The following STRBP variants were observed in gnomAD, a reference collection of about 807,000 sequenced individuals.
STRBP encodes spermatid perinuclear RNA binding protein.
In STRBP, 13 loss-of-function variants were observed where a neutral mutation model predicts 80.1. The ratio of observed to expected loss-of-function variants is 0.16; its 90% confidence interval spans 0.11 to 0.26. The LOEUF (loss-of-function observed/expected upper bound fraction) is 0.26. STRBP is among the 10% of genes least tolerant of loss of function. The pLI, the probability that STRBP is intolerant of heterozygous loss-of-function variation, is 1.00. For synonymous variants in STRBP, 284 were observed against 291.2 expected, an observed-to-expected ratio of 0.98 and a Z score of 0.25; for missense variants, 485 against 815.2, an observed-to-expected ratio of 0.59 and a Z score of 4.93.
intron 11 of STRBP, among the ~76,000 whole-genome samples, chr9:123,154,471 C>T (rs538051670): frequency 6.6e-6 from 1 of 152,226 alleles, no homozygotes; most frequent in South Asian, 2.1e-4. Flanking sequence ...TTTCTTGGTA[C>T]AGGAAGGTAA....
intron 2 of STRBP, among the ~76,000 whole-genome samples, chr9:123,202,010 T>TACTGTTTGCCTTCA (rs2039344238): frequency 6.6e-6 from 1 of 152,260 alleles, no homozygotes; most frequent in African/African-American, 2.4e-5. Context: ...TATTTGCCTT[T>TACTGTTTGCCTTCA]ACTGTTGTTG....
At chr9:123,157,678 C>T (rs1182865721) in intron 11 of STRBP, among the ~76,000 whole-genome samples, 1 of 152,072 alleles carries the variant, frequency 6.6e-6, no homozygotes, top group African/African-American at 2.4e-5. Context: ...CACATGGTGG[C>T]AGACGTGCAG....
intron 2 of STRBP, among the ~76,000 whole-genome samples, chr9:123,203,678 A>T (rs2132515075): frequency 6.6e-6 from 1 of 152,140 alleles, no homozygotes; most frequent in African/African-American, 2.4e-5. Context: ...CCCTATGTAA[A>T]ATAGCGACCT....
At chr9:123,244,364 T>C (rs2040758170) in intron 1 of STRBP, among the ~76,000 whole-genome samples, 1 of 152,184 alleles carries the variant, frequency 6.6e-6, no homozygotes, top group African/African-American at 2.4e-5. Context: ...TTCTGTATGA[T>C]ACTGTAACAG....
chr9:123,120,616 T>A (rs1432251907), downstream of STRBP, among the ~76,000 whole-genome samples: 1 of 151,994 alleles, frequency 6.6e-6, no homozygotes, highest in African/African-American at 2.4e-5. Flanking sequence ...TTATGGTGAA[T>A]GACTGATTAT....
intron 13 of STRBP, 59 bp downstream of exon 13, chr9:123,146,796 A>C: frequency 1.5e-6 from 2 of 1,374,196 alleles, no homozygotes; most frequent in South Asian, 3.0e-5. Context: ...ATAGGAAAAT[A>C]AGCATATTAT....
At chr9:123,129,663 TTG>T (rs1177062740) in intron 17 of STRBP, among the ~76,000 whole-genome samples, 5 of 152,196 alleles carry the variant, frequency 3.3e-5, no homozygotes, top group African/African-American at 1.2e-4. Flanking sequence ...TCATATTGCA[TTG>T]TGTTTATTCA....
intron 2 of STRBP, among the ~76,000 whole-genome samples, chr9:123,228,473 CA>C (rs2040307558): frequency 6.6e-6 from 1 of 151,986 alleles, no homozygotes; most frequent in South Asian, 2.1e-4. Flanking sequence ...GGTTGGGGGA[CA>C]GGGGGAGCTG....
chr9:123,125,523 A>AT lies in STRBP; in HGVS notation c.*73dup. The stretch of plus-strand genomic sequence containing the variant: ...CAAGTATGTGTTCAAAGAAAGCAGG[A>AT]TAAAAAGGCTTTTTCTCTAACATTC... On this transcript the variant is annotated 3_prime_UTR_variant, in exon 19 of 19. Coordinates refer to ENST00000348403, the MANE Select transcript of STRBP (RefSeq NM_018387.5). The AT allele has an allele frequency of 7.0e-7, 1 of 1,419,156 alleles. No homozygotes were observed. The highest frequency in any genetic ancestry group is 2.6e-5 in the East Asian group (1 of 39,020). 87.9% of individuals were successfully genotyped at this position (1,419,156 alleles called of 1,614,324 possible). A position where few individuals can be genotyped will look rare whatever the true frequency, so the allele number is the denominator to read the frequency against.
chr9:123,187,062 T>C (rs2038727892), intron 2 of STRBP, among the ~76,000 whole-genome samples: 1 of 152,048 alleles, frequency 6.6e-6, no homozygotes, highest in African/African-American at 2.4e-5. Flanking sequence ...CCTAAGACTT[T>C]TCATATATTA....
At chr9:123,220,947 T>G (rs2040048033) in intron 2 of STRBP, among the ~76,000 whole-genome samples, 1 of 152,182 alleles carries the variant, frequency 6.6e-6, no homozygotes, top group Non-Finnish European at 1.5e-5. Context: ...TGACATCACG[T>G]TAATTCTTGG....
At chr9:123,170,422 C>T (rs2132426835) in intron 5 of STRBP, among the ~76,000 whole-genome samples, 1 of 152,308 alleles carries the variant, frequency 6.6e-6, no homozygotes, top group African/African-American at 2.4e-5. Context: ...GCTGGGACTG[C>T]TCTCCAAAAC....
chr9:123,216,803 T>A (rs1432651169), intron 2 of STRBP, among the ~76,000 whole-genome samples: 2 of 152,218 alleles, frequency 1.3e-5, no homozygotes. Context: ...CAGGACACTT[T>A]GCATTAATTA....
chr9:123,196,072 A>G (rs1188350353), intron 2 of STRBP, among the ~76,000 whole-genome samples: 1 of 152,224 alleles, frequency 6.6e-6, no homozygotes, highest in Non-Finnish European at 1.5e-5. Context: ...AAATCCATAC[A>G]TCTCCAGTGG....
At chr9:123,195,886 T>C (rs1285181735) in intron 2 of STRBP, among the ~76,000 whole-genome samples, 1 of 152,138 alleles carries the variant, frequency 6.6e-6, no homozygotes, top group Non-Finnish European at 1.5e-5. Flanking sequence ...AGACCCAGAC[T>C]AGCCAAAACT....
Position 123,203,928 on chromosome 9 carries a change from C to T in STRBP, c.-164-19630G>A, listed in dbSNP as rs573541904. ...CAGAGGTTGCAGTGAGCCAAGATCG[C>T]GCCACTGCACTCCAGCCTGGGCAAC... On this transcript the variant is annotated intron_variant, in intron 2 of 18. Transcript: ENST00000348403. 6.6e-5 allele frequency among the ~76,000 whole-genome samples: 10 copies of T among 151,994 alleles called. No homozygotes were observed. In the East Asian group the frequency reaches 9.7e-4, roughly 15 times the overall value.
intron 2 of STRBP, among the ~76,000 whole-genome samples, chr9:123,210,559 G>A (rs556770628): frequency 6.6e-6 from 1 of 152,146 alleles, no homozygotes; most frequent in Non-Finnish European, 1.5e-5. Context: ...CAGGCCGGGC[G>A]CAGTGGCTCA....
At chr9:123,206,605 C>T (rs1420800745) in intron 2 of STRBP, among the ~76,000 whole-genome samples, 1 of 152,018 alleles carries the variant, frequency 6.6e-6, no homozygotes, top group African/African-American at 2.4e-5. Context: ...TATGTCTGAA[C>T]ATTTCCATAA....
intron 3 of STRBP, chr9:123,114,006 A>T (rs1461933998): frequency 1.2e-5 from 2 of 167,132 alleles, no homozygotes; most frequent in African/African-American, 4.8e-5. Context: ...GGGCTAAGGC[A>T]GCGCTTCCCA....
Sources: gnomAD v4.1 joint callset for allele counts (sites outside exome capture counted in the v4.1 genomes callset) on GRCh38, gnomAD v4.1.1 for gene constraint, MANE v1.5 for transcripts, NCBI Gene and HGNC (gene_info 2026-07-23, HGNC 2026-07-21) for gene names.